Variants in TTC7B observed in about 807,000 individuals in gnomAD.
TTC7B encodes tetratricopeptide repeat domain 7B.
In TTC7B, 28 loss-of-function variants were observed where a neutral mutation model predicts 106.8. That is an observed-to-expected ratio of 0.26 (90% CI 0.19 to 0.36). The LOEUF (loss-of-function observed/expected upper bound fraction) is 0.36, where lower values mean the gene tolerates loss of function less well. Ranked by LOEUF, TTC7B falls within the 10% of genes least tolerant of loss-of-function variation. The pLI, the probability that TTC7B is intolerant of heterozygous loss-of-function variation, is 1.00. For synonymous variants in TTC7B, 405 were observed against 430.6 expected (o/e 0.94, Z 0.74); for missense variants, 862 against 1,076.4 (o/e 0.80, Z 2.79).
At chr14:90,775,935 G>A (rs934256497) in intron 3 of TTC7B, among the ~76,000 whole-genome samples, 2 of 151,634 alleles carry the variant, frequency 1.3e-5, no homozygotes, top group African/African-American at 4.8e-5. Flanking sequence ...AAAATTTCCG[G>A]TTTAAAAATT....
At chr14:90,781,393 C>A (rs1299686817) in intron 2 of TTC7B, among the ~76,000 whole-genome samples, 1 of 152,092 alleles carries the variant, frequency 6.6e-6, no homozygotes, top group East Asian at 1.9e-4. Flanking sequence ...CATGAATATA[C>A]TAAAAATCAC....
rs576876645 is a variant in TTC7B at position 90,658,782 on chromosome 14, C to T, written c.1153-395G>A. 6.6e-4 allele frequency among the ~76,000 whole-genome samples: 100 copies of T among 152,318 alleles called. 1 individual carries two copies. The highest frequency in any genetic ancestry group is 1.2e-3 in the Non-Finnish European group (85 of 68,032). ...CAGGGAGAATAGAAACTGAGCTGGG[C>T]CTTCCCCAGCCCAGCCCCACTATGA... On this transcript the variant is annotated intron_variant, in intron 9 of 19. Coordinates refer to ENST00000328459, the MANE Select transcript of TTC7B (RefSeq NM_001010854.2).
At position 90,802,678 on chromosome 14, in the gene TTC7B, C is replaced by T. The variant is rs529676741; in HGVS notation, c.121+13497G>A. On this transcript the variant is annotated intron_variant, in intron 1 of 19. Coordinates refer to ENST00000328459, the MANE Select transcript of TTC7B (RefSeq NM_001010854.2). This position sits in a 1 kb window ranked among gnomAD's most constrained non-coding sequence, Gnocchi z 4.7. ...CGACCTACTGAAGAGCGGCGGTGCTCCTCCCGGTCTTTGGTCACCATTTGC... is the reference window on the plus strand; with the variant it reads ...CGACCTACTGAAGAGCGGCGGTGCTTCTCCCGGTCTTTGGTCACCATTTGC... 5.8e-4 allele frequency among the ~76,000 whole-genome samples: 88 copies of T among 151,998 alleles called. No individual in the cohort carries two copies. The highest frequency in any genetic ancestry group is 3.4e-3 in the Middle Eastern group (1 of 292).
intron 4 of TTC7B, among the ~76,000 whole-genome samples, chr14:90,740,388 C>T (rs959046449): frequency 9.9e-5 from 15 of 151,444 alleles, no homozygotes; most frequent in African/African-American, 3.6e-4. Flanking sequence ...AGTCCAGACA[C>T]GGGGACACCA....
At position 90,696,336 on chromosome 14, in the gene TTC7B, T is replaced by A. The variant is rs562608444; in HGVS notation, c.699-758A>T. 2.7e-4 allele frequency among the ~76,000 whole-genome samples: 41 copies of A among 152,318 alleles called. 1 individual carries two copies. Among genetic ancestry groups the A allele is most frequent in the African/African-American group, 8.7e-4 (36 of 41,558 alleles). ...CCACTTGTCCTCTCTGAAAGCTGCA[T>A]CCAGCCTGCTGAGCTGGGAACGCTC... On this transcript the variant is annotated intron_variant, in intron 5 of 19. Transcript: ENST00000328459.
chr14:90,620,580 G>T (rs1480351957), intron 15 of TTC7B, among the ~76,000 whole-genome samples: 1 of 152,152 alleles, frequency 6.6e-6, no homozygotes, highest in Non-Finnish European at 1.5e-5. Flanking sequence ...GGAGGACTGT[G>T]GGGGGTCCAG....
At chr14:90,590,861 C>T (rs1328463579) in intron 18 of TTC7B, among the ~76,000 whole-genome samples, 2 of 152,222 alleles carry the variant, frequency 1.3e-5, no homozygotes, top group Non-Finnish European at 2.9e-5. Flanking sequence ...ACACAATGCT[C>T]ACCGTATGCA....
intron 5 of TTC7B, among the ~76,000 whole-genome samples, chr14:90,712,096 G>C (rs112093609): frequency 3.4e-3 from 519 of 152,276 alleles, no homozygotes; most frequent in African/African-American, 0.012. Flanking sequence ...AAGAGAAGTA[G>C]TGTGGCTATA....
rs370553929 is a variant in TTC7B, at chr14:90,672,460, A to G, written c.1152+4063T>C. Among the ~76,000 whole-genome samples, 16 of 152,240 alleles carry G rather than the reference A, an allele frequency of 1.1e-4. 1 individual carries two copies. The highest frequency in any genetic ancestry group is 3.1e-4 in the African/African-American group (13 of 41,542). ...TCCTCTCCTCCCACTTCTCCATGAG[A>G]GCAAGCCCTGGGTTCCTGTTCCCTT... is the stretch of plus-strand genomic sequence containing the variant. On this transcript the variant is annotated intron_variant, in intron 9 of 19. Coordinates refer to ENST00000328459, the MANE Select transcript of TTC7B (RefSeq NM_001010854.2).
chr14:90,777,941 G>A (rs61604037), intron 3 of TTC7B, among the ~76,000 whole-genome samples: 185 of 152,318 alleles, frequency 1.2e-3, no homozygotes, highest in African/African-American at 4.3e-3. Context: ...TGCAGTCCTC[G>A]TGACAAGCCA....
intron 19 of TTC7B, among the ~76,000 whole-genome samples, chr14:90,573,226 T>A (rs1396631928): frequency 6.6e-6 from 1 of 152,188 alleles, no homozygotes; most frequent in East Asian, 1.9e-4. Context: ...ATGGCCTCCG[T>A]CCTAGCCTTG....
intron 9 of TTC7B, among the ~76,000 whole-genome samples, chr14:90,674,892 C>T (rs916341370): frequency 6.6e-6 from 1 of 152,156 alleles, no homozygotes; most frequent in Non-Finnish European, 1.5e-5. Context: ...CAAAGGTTCC[C>T]GCAACTACAC....
chr14:90,652,029 T>A (rs1885740698), intron 13 of TTC7B, among the ~76,000 whole-genome samples: 1 of 152,212 alleles, frequency 6.6e-6, no homozygotes, highest in Non-Finnish European at 1.5e-5. Context: ...CATGGGGCTA[T>A]GCTTCCAGAT....
chr14:90,563,045 C>T (rs1595161519), intron 19 of TTC7B, among the ~76,000 whole-genome samples: 2 of 152,182 alleles, frequency 1.3e-5, no homozygotes, highest in African/African-American at 2.4e-5. Flanking sequence ...ACATCTCTCC[C>T]TATAGCCTTT....
rs958150879 is a variant in TTC7B, at chr14:90,577,346, G to A, written c.2310+760C>T. Among the ~76,000 whole-genome samples, 1 of 152,182 alleles carries A rather than the reference G, an allele frequency of 6.6e-6. No individual in the cohort carries two copies. Among genetic ancestry groups the A allele is most frequent in the Admixed American group, 6.5e-5 (1 of 15,280 alleles). On this transcript the variant is annotated intron_variant, in intron 19 of 19. Coordinates refer to ENST00000328459, the MANE Select transcript of TTC7B (RefSeq NM_001010854.2). The surrounding 1 kb of genome is among the most constrained non-coding windows in gnomAD (Gnocchi z 5.0). ...TGCCGAGGCAGCTGCACTAACACAC[G>A]TTCATAACGGACAGAACCCTCCTGA...
In TTC7B at chr14:90,658,294, AG is replaced by A. The variant is rs373028282; in HGVS notation, c.1236+9del. 169 of 1,613,500 alleles carry A rather than the reference AG, an allele frequency of 1.0e-4. 2 individuals are homozygous for A. In the East Asian group the frequency reaches 2.7e-3, roughly 26 times the overall value. Reference sequence around the variant, plus strand: ...GGCATAAAAAACTGCCCATCACAAAAGGGACTCACTTTTCCAGCAGCCATCA... The same window carrying A: ...GGCATAAAAAACTGCCCATCACAAAAGGACTCACTTTTCCAGCAGCCATCA... On this transcript the variant is annotated intron_variant, in intron 10 of 19. Transcript: ENST00000328459.
chr14:90,747,560 T>A (rs770053042), intron 3 of TTC7B, among the ~76,000 whole-genome samples: 1 of 152,236 alleles, frequency 6.6e-6, no homozygotes, highest in Non-Finnish European at 1.5e-5. Flanking sequence ...ATATGGTCAA[T>A]CTTGGTAAAT....
At chr14:90,813,158 T>C (rs1248152258) in intron 1 of TTC7B, among the ~76,000 whole-genome samples, 1 of 152,242 alleles carries the variant, frequency 6.6e-6, no homozygotes, top group African/African-American at 2.4e-5. Flanking sequence ...TGTTGCCTTC[T>C]TGGGGACACC....
chr14:90,754,003 C>A (rs1260481870), intron 3 of TTC7B, among the ~76,000 whole-genome samples: 1 of 152,172 alleles, frequency 6.6e-6, no homozygotes, highest in Non-Finnish European at 1.5e-5. Context: ...TTTAGTAACC[C>A]TATAATAGTA....
Sources: allele counts gnomAD v4.1 joint callset (sites outside exome capture counted in the v4.1 genomes callset), GRCh38; gene constraint gnomAD v4.1.1; non-coding constraint Gnocchi (gnomAD v3.1); transcripts MANE v1.5; gene names NCBI Gene and HGNC (gene_info 2026-07-23, HGNC 2026-07-21).